RSRC1: variants seen among roughly 807,000 people sequenced by gnomAD.
RSRC1 encodes the protein serine/Arginine-related protein 53.
A neutral mutation model predicts 49.1 loss-of-function variants in RSRC1; 39 were observed. The ratio of observed to expected loss-of-function variants is 0.79; its 90% confidence interval spans 0.61 to 1.04. The LOEUF (loss-of-function observed/expected upper bound fraction) is 1.04. Among genes scored for constraint, RSRC1 ranks in the 50% least tolerant of loss-of-function variants. The pLI is 0.00. For synonymous variants in RSRC1, 143 were observed against 130.8 expected, an observed-to-expected ratio of 1.09 and a Z score of -0.63; for missense variants, 388 against 402.4, an observed-to-expected ratio of 0.96 and a Z score of 0.31.
chr3:158,276,870 AAC>A (rs1215551830), intron 4 of RSRC1, among the ~76,000 whole-genome samples: 4 of 152,190 alleles, frequency 2.6e-5, no homozygotes, highest in Non-Finnish European at 5.9e-5. Context: ...AGAAGAATAC[AAC>A]ACATCTCTTT....
intron 4 of RSRC1, among the ~76,000 whole-genome samples, chr3:158,296,312 G>A (rs1404684475): frequency 1.3e-5 from 2 of 151,684 alleles, no homozygotes; most frequent in Non-Finnish European, 2.9e-5. Flanking sequence ...AACATAGAAG[G>A]GAGAAAGACA....
intron 6 of RSRC1, among the ~76,000 whole-genome samples, chr3:158,388,645 C>T (rs1002092007): frequency 2.0e-5 from 3 of 147,928 alleles, no homozygotes; most frequent in African/African-American, 7.7e-5. Flanking sequence ...GAGTCTCGCT[C>T]TGTAGCTCAG....
chr3:158,189,312 T>C (rs1172479827), intron 3 of RSRC1, among the ~76,000 whole-genome samples: 1 of 151,952 alleles, frequency 6.6e-6, no homozygotes, highest in Non-Finnish European at 1.5e-5. Flanking sequence ...GTATAGTTAA[T>C]AGGTAAATTT....
At chr3:158,137,799 G>A (rs1293331529) in intron 3 of RSRC1, among the ~76,000 whole-genome samples, 7 of 151,720 alleles carry the variant, frequency 4.6e-5, no homozygotes, top group African/African-American at 1.5e-4. Context: ...GATTACAGGC[G>A]CCCACCACCA....
At chr3:158,316,157 G>A (rs1293206877) in intron 5 of RSRC1, among the ~76,000 whole-genome samples, 1 of 151,162 alleles carries the variant, frequency 6.6e-6, no homozygotes, top group Non-Finnish European at 1.5e-5. Context: ...GGACAACAGA[G>A]CGAGACTCGG....
intron 4 of RSRC1, among the ~76,000 whole-genome samples, chr3:158,214,046 A>G (rs1313113952): frequency 2.3e-5 from 2 of 85,164 alleles, no homozygotes; most frequent in East Asian, 1.4e-3. Context: ...ACAACAATAA[A>G]AAATTATACA....
chr3:158,315,526 C>T (rs1283108065), intron 5 of RSRC1, among the ~76,000 whole-genome samples: 4 of 152,132 alleles, frequency 2.6e-5, no homozygotes, highest in African/African-American at 4.8e-5. Context: ...CAAACCTAGA[C>T]CAAGCAGGCT....
At chr3:158,270,124 G>C (rs1056090896) in intron 4 of RSRC1, among the ~76,000 whole-genome samples, 2 of 152,058 alleles carry the variant, frequency 1.3e-5, no homozygotes, top group African/African-American at 2.4e-5. Context: ...TCTCGGTAAA[G>C]CTTTTGTCCA....
chr3:158,490,549 T>C (rs1027027859), intron 7 of RSRC1, among the ~76,000 whole-genome samples: 5 of 152,256 alleles, frequency 3.3e-5, no homozygotes, highest in African/African-American at 1.2e-4. Flanking sequence ...TTTATAGATA[T>C]AGTTATTCCA....
intron 4 of RSRC1, among the ~76,000 whole-genome samples, chr3:158,271,017 C>T (rs958492565): frequency 1.3e-5 from 2 of 152,088 alleles, no homozygotes; most frequent in African/African-American, 2.4e-5. Flanking sequence ...AAAGGATTAT[C>T]CCCGTGTCAT....
chr3:158,247,457 A>G (rs1389953889), intron 4 of RSRC1, among the ~76,000 whole-genome samples: 1 of 151,964 alleles, frequency 6.6e-6, no homozygotes, highest in Non-Finnish European at 1.5e-5. Flanking sequence ...TGGCTTTTTG[A>G]GTTTTCAGGG....
intron 5 of RSRC1, among the ~76,000 whole-genome samples, chr3:158,344,715 G>T (rs1417774814): frequency 6.6e-6 from 1 of 152,134 alleles, no homozygotes; most frequent in Non-Finnish European, 1.5e-5. Flanking sequence ...GGATAAATAT[G>T]TCTCTTTATA....
intron 5 of RSRC1, among the ~76,000 whole-genome samples, chr3:158,318,897 C>T (rs1728608468): frequency 6.6e-6 from 1 of 152,096 alleles, no homozygotes; most frequent in Admixed American, 6.5e-5. Flanking sequence ...TTCTCTTTTC[C>T]TAGGACACAT....
chr3:158,227,412 C>A (rs1722587923), intron 4 of RSRC1, among the ~76,000 whole-genome samples: 2 of 151,904 alleles, frequency 1.3e-5, no homozygotes, highest in South Asian at 4.1e-4. Context: ...CTTCCCTACT[C>A]CTTTTCTCTT....
chr3:158,258,015 T>C (rs1002313874), intron 4 of RSRC1, among the ~76,000 whole-genome samples: 2 of 152,040 alleles, frequency 1.3e-5, no homozygotes, highest in Admixed American at 6.6e-5. Context: ...AGTTGGAAGG[T>C]TGTTAGTATT....
At chr3:158,490,321 T>C (rs1435818673) in intron 7 of RSRC1, among the ~76,000 whole-genome samples, 2 of 152,284 alleles carry the variant, frequency 1.3e-5, no homozygotes, top group African/African-American at 4.8e-5. Context: ...CCTGACCTCA[T>C]GATCCACCCA....
rs561641422 is a variant in RSRC1 at position 158,467,446 on chromosome 3, A to G, written c.652+6443A>G. 1.2e-4 allele frequency among the ~76,000 whole-genome samples: 18 copies of G among 152,360 alleles called. No homozygotes were observed. In the South Asian group the frequency reaches 2.7e-3, roughly 23 times the overall value. ...TAAGTATGATAATAATCTATCTACT[A>G]TCTAAATATGTAGTTACATAGTGCG... On this transcript the variant is annotated intron_variant, in intron 7 of 9. Coordinates refer to ENST00000611884, the MANE Select transcript of RSRC1 (RefSeq NM_001271838.2).
chr3:158,278,005 T>C (rs952719601), intron 4 of RSRC1, among the ~76,000 whole-genome samples: 5 of 152,260 alleles, frequency 3.3e-5, no homozygotes, highest in African/African-American at 1.2e-4. Flanking sequence ...AGGATAAAAG[T>C]GGTTGAGGGG....
At chr3:158,307,163 AAT>A (rs745951467) in intron 5 of RSRC1, among the ~76,000 whole-genome samples, 4 of 151,742 alleles carry the variant, frequency 2.6e-5, no homozygotes, top group Non-Finnish European at 1.5e-5. Context: ...AGCACATATG[AAT>A]ATTATTTTTA....
Sources: allele counts gnomAD v4.1 joint callset (sites outside exome capture counted in the v4.1 genomes callset), GRCh38; gene constraint gnomAD v4.1.1; transcripts MANE v1.5; gene names NCBI Gene and HGNC (gene_info 2026-07-23, HGNC 2026-07-21).